CIZ1: variants seen among roughly 807,000 people sequenced by gnomAD.
CIZ1 encodes CDKN1A interacting zinc finger protein 1.
In CIZ1, 58 loss-of-function variants were observed where a neutral mutation model predicts 118.6. The observed-to-expected ratio is 0.49, with a 90% CI of 0.40 to 0.61. The LOEUF (loss-of-function observed/expected upper bound fraction) is 0.61. Among genes scored for constraint, CIZ1 ranks in the 20% least tolerant of loss-of-function variants. The pLI is 0.00. For missense variants in CIZ1, 921 were observed against 1,115.9 expected (o/e 0.83, Z 2.49); for synonymous variants, 448 against 443.4 (o/e 1.01, Z -0.13).
intron 7 of CIZ1, 64 bp downstream of exon 7, chr9:128,180,325 GTGCACCCCCTCTGCCATTGCCACCCC>G: frequency 1.1e-6 from 1 of 929,738 alleles, no homozygotes; most frequent in Non-Finnish European, 1.7e-6. Flanking sequence ...CCACTGAATG[GTGCACCCCCTCTGCCATTGCCACCCC>G]TGCCTTTGCA....
Position 128,169,459 on chromosome 9 carries a change from G to A in CIZ1, c.2092C>T (p.Arg698Cys), listed in dbSNP as rs1564244475. ...TVCNRYFKTP[R>C]KFVEHVKSQG... is the part of the protein sequence containing the mutation. ...GACTTCACGTGCTCCACAAACTTGC[G>A]AGGGGTTTTGAAGTAGCGGTTGCAA... Residue 698 changes from arginine to cysteine, a missense_variant, in exon 13 of 17, where the codon CGC becomes TGC. Coordinates refer to ENST00000372938, the MANE Select transcript of CIZ1 (RefSeq NM_001131016.2). 9.3e-6 allele frequency: 15 copies of A among 1,614,188 alleles called. No homozygotes were observed. Among genetic ancestry groups the A allele is most frequent in the Non-Finnish European group, 1.2e-5 (14 of 1,180,042 alleles).
chr9:128,191,674 C>T, upstream of CIZ1: 1 of 1,285,592 alleles, frequency 7.8e-7, no homozygotes, highest in Non-Finnish European at 9.9e-7. The surrounding 1 kb of genome is among the most constrained non-coding windows in gnomAD (Gnocchi z 5.5). Flanking sequence ...GCACAAGTCA[C>T]GCTGGGGGGC....
rs750107098 is a variant in CIZ1, at chr9:128,185,592, G to C, written c.543C>G (p.Pro181=). 4.6e-6 allele frequency: 7 copies of C among 1,530,338 alleles called. No homozygotes were observed. The Admixed American group carries it at 8.4e-5, about 18-fold the overall frequency. 94.8% of individuals were successfully genotyped at this position (1,530,338 alleles called of 1,614,324 possible). ...PSQFNLSGRN[P]QKQARTSSST... ...AGGAGGAGGTCCGGGCCTGTTTCTG[G>C]GGGTTCCGTCCTGAAAGGTTGAACT... The change falls in exon 5 of 17, where the codon CCC becomes CCG. Residue 181 remains proline, a synonymous_variant. Coordinates refer to ENST00000372938, the MANE Select transcript of CIZ1 (RefSeq NM_001131016.2).
Position 128,166,266 on chromosome 9 carries a change from T to C in CIZ1, c.2628A>G (p.Thr876=), listed in dbSNP as rs1233045871. 1.3e-6 allele frequency: 2 copies of C among 1,539,320 alleles called. No individual in the cohort carries two copies. The highest frequency in any genetic ancestry group is 1.8e-6 in the Non-Finnish European group (2 of 1,137,406). ...AGGGTCGAGCCGTCACCTTGCTGGG[T>C]GTTTTGTCCTGGGTGTTGGGCTGGG... ...PPSQPNTQDK[T]PSKVTARPSQ... is the part of the protein sequence containing the mutation. The change falls in exon 17 of 17, where the codon ACA becomes ACG. Residue 876 remains threonine (T), a synonymous_variant. Coordinates refer to ENST00000372938, the MANE Select transcript of CIZ1 (RefSeq NM_001131016.2). This position sits in a 1 kb window ranked among gnomAD's most constrained non-coding sequence, Gnocchi z 4.4.
chr9:128,192,703 C>T (rs147245114), upstream of CIZ1, among the ~76,000 whole-genome samples: 400 of 152,244 alleles, frequency 2.6e-3, 2 homozygotes, highest in African/African-American at 9.2e-3. Flanking sequence ...CCACCACGCC[C>T]GGCTAATTTT....
chr9:128,167,167 GA>G lies in CIZ1; in HGVS notation c.2296-4del. The G allele has an allele frequency of 1.3e-6, 2 of 1,577,276 alleles. No individual in the cohort carries two copies. Among genetic ancestry groups the G allele is most frequent in the Non-Finnish European group, 8.6e-7 (1 of 1,161,334 alleles). ...CTGGATATATCTCTGGACCTCACCT[GA>G]AAACATGCAAGTGTGGGCCTCGGAT... On this transcript the variant is annotated splice_polypyrimidine_tract_variant and splice_region_variant and intron_variant, in intron 14 of 16. Coordinates refer to ENST00000372938, the MANE Select transcript of CIZ1 (RefSeq NM_001131016.2).
chr9:128,185,520 C>T, intron 5 of CIZ1, 27 bp downstream of exon 5: 3 of 1,434,578 alleles, frequency 2.1e-6, no homozygotes, highest in Non-Finnish European at 2.8e-6. Context: ...CCCCTCCCGC[C>T]CACTCCCATC....
At chr9:128,199,784 CTTTTTTTTTTT>C (rs34269035) in intron 1 of CIZ1, 1 of 128,688 alleles carries the variant, frequency 7.8e-6, no homozygotes, top group African/African-American at 2.8e-5. Context: ...TTCTTTCTTT[CTTTTTTTTTTT>C]TTTTTTGAGA....
intron 11 of CIZ1, among the ~76,000 whole-genome samples, chr9:128,171,801 C>T (rs1830154639): frequency 6.6e-6 from 1 of 151,676 alleles, no homozygotes; most frequent in African/African-American, 2.4e-5. Flanking sequence ...ACTATTTAAT[C>T]TTGGGTTGGG....
At chr9:128,202,016 G>A (rs1833539539) in intron 1 of CIZ1, among the ~76,000 whole-genome samples, 1 of 152,188 alleles carries the variant, frequency 6.6e-6, no homozygotes, top group South Asian at 2.1e-4. Context: ...ATCTAACAGG[G>A]CCATCGTTAT....
chr9:128,183,686 C>T (rs1831983125), intron 5 of CIZ1, among the ~76,000 whole-genome samples: 1 of 152,192 alleles, frequency 6.6e-6, no homozygotes, highest in Non-Finnish European at 1.5e-5. Flanking sequence ...AACCTATAGC[C>T]GGCAACAGCG....
chr9:128,169,084 C>G lies in CIZ1; in HGVS notation c.2263G>C (p.Glu755Gln). ...CAGAGTTCCTCCTCAACCTCGATCT[C>G]TTCTTCATCCTCATCATCCTCTTCC... ...EEEEDDEDEEEIEVEEELCKQ... is the reference protein window; with the variant it reads ...EEEEDDEDEEQIEVEEELCKQ... Residue 755 changes from glutamate (E) to glutamine (Q), a missense_variant, in exon 14 of 17, where the codon GAG (glutamate) becomes CAG (glutamine). By Grantham distance (29) the Glu-to-Gln change is conservative. Coordinates refer to ENST00000372938, the MANE Select transcript of CIZ1 (RefSeq NM_001131016.2). 6.2e-7 allele frequency: 1 copy of G among 1,614,142 alleles called. No homozygotes were observed. The highest frequency in any genetic ancestry group is 8.5e-7 in the Non-Finnish European group (1 of 1,180,000).
At chr9:128,176,783 G>GT (rs1564263428) in intron 10 of CIZ1, among the ~76,000 whole-genome samples, 1 of 152,194 alleles carries the variant, frequency 6.6e-6, no homozygotes, top group African/African-American at 2.4e-5. Flanking sequence ...CACAAGAGTA[G>GT]TAATACAAGT....
intron 3 of CIZ1, among the ~76,000 whole-genome samples, chr9:128,188,162 T>A (rs1164018775): frequency 8.8e-6 from 1 of 113,318 alleles, no homozygotes; most frequent in African/African-American, 3.2e-5. Context: ...AAGGTTTAGA[T>A]AAACAAAGGC....
chr9:128,179,340 T>C lies in CIZ1; in HGVS notation c.867A>G (p.Val289=). The change falls in exon 8 of 17, where the codon GTA becomes GTG. Residue 289 remains valine (V), a synonymous_variant. Transcript: ENST00000372938. ...GGTCTGGTGTCTGTGTCTGTTTCGG[T>C]ACTGTCATCCGGGCCTGCGGCTGGG... ...VKAQPQARMT[V]PKQTQTPDLL... 2 of 1,613,876 alleles carry C rather than the reference T, an allele frequency of 1.2e-6. No individual in the cohort carries two copies. The highest frequency in any genetic ancestry group is 1.1e-5 in the South Asian group (1 of 91,058).
At chr9:128,190,587 C>A in intron 2 of CIZ1, 101 bp downstream of exon 2, 1 of 1,453,976 alleles carries the variant, frequency 6.9e-7, no homozygotes. Flanking sequence ...CTCCAGGACT[C>A]AAACGGGGAT....
At chr9:128,197,122 C>T (rs1833395012) in intron 1 of CIZ1, 1 of 152,272 alleles carries the variant, frequency 6.6e-6, no homozygotes, top group African/African-American at 2.4e-5. Context: ...TAGAAAGTAC[C>T]TGCCAAGTTG....
chr9:128,188,778 G>A (rs1412944062), intron 3 of CIZ1, among the ~76,000 whole-genome samples: 8 of 151,918 alleles, frequency 5.3e-5, no homozygotes, highest in South Asian at 2.1e-4. Flanking sequence ...GATTACAGGC[G>A]CACGCCACCA....
chr9:128,193,694 A>C (rs923804298), upstream of CIZ1, among the ~76,000 whole-genome samples: 1 of 151,990 alleles, frequency 6.6e-6, no homozygotes, highest in African/African-American at 2.4e-5. Context: ...TGGGCGACAG[A>C]GTGAGACTCC....
Sources: gnomAD v4.1 joint callset for allele counts (sites outside exome capture counted in the v4.1 genomes callset) on GRCh38, gnomAD v4.1.1 for gene constraint, Gnocchi (gnomAD v3.1) non-coding constraint, MANE v1.5 for transcripts, NCBI Gene and HGNC (gene_info 2026-07-23, HGNC 2026-07-21) for gene names.